The following NAV2 variants were observed in gnomAD, a reference collection of about 807,000 sequenced individuals.
NAV2 encodes the protein helicase, APC down-regulated 1.
In NAV2, 54 loss-of-function variants were observed where a neutral mutation model predicts 223.2. The observed-to-expected ratio is 0.24, with a 90% CI of 0.19 to 0.30. The LOEUF (loss-of-function observed/expected upper bound fraction) is 0.30, where lower values mean the gene tolerates loss of function less well. Ranked by LOEUF, NAV2 falls within the 10% of genes least tolerant of loss-of-function variation. NAV2 has a pLI of 1.00. For synonymous variants in NAV2, 1,279 were observed against 1,239.3 expected, an observed-to-expected ratio of 1.03 and a Z score of -0.67; for missense variants, 2,806 against 3,147.5, an observed-to-expected ratio of 0.89 and a Z score of 2.60.
chr11:19,855,896 G>C (rs1304003839), intron 3 of NAV2, among the ~76,000 whole-genome samples: 1 of 152,160 alleles, frequency 6.6e-6, no homozygotes, highest in Non-Finnish European at 1.5e-5. Flanking sequence ...GATTTGATTT[G>C]AGTTTCAGAA....
At chr11:19,913,447 A>T (rs1468935522) in intron 6 of NAV2, among the ~76,000 whole-genome samples, 1 of 152,138 alleles carries the variant, frequency 6.6e-6, no homozygotes, top group Admixed American at 6.5e-5. Context: ...TCTTCCTGTC[A>T]GCTGGGTTTC....
At chr11:19,949,323 C>T (rs920021264) in intron 10 of NAV2, among the ~76,000 whole-genome samples, 8 of 152,272 alleles carry the variant, frequency 5.3e-5, no homozygotes, top group African/African-American at 7.2e-5. Flanking sequence ...CAAACCATGT[C>T]GCATCAGTCC....
chr11:20,101,645 C>T (rs1372278680), intron 32 of NAV2, among the ~76,000 whole-genome samples: 1 of 152,140 alleles, frequency 6.6e-6, no homozygotes, highest in African/African-American at 2.4e-5. Flanking sequence ...GAAACAGAGG[C>T]TTGAAGCAGA....
Position 20,054,157 on chromosome 11 carries a change from A to T in NAV2, c.4559A>T (p.Gln1520Leu). 6.2e-7 allele frequency: 1 copy of T among 1,613,792 alleles called. No homozygotes were observed. Among genetic ancestry groups the T allele is most frequent in the African/African-American group, 1.3e-5 (1 of 75,014 alleles). ...WLRSHSAGGL[Q>L]DTAANSPFSS... Reference sequence around the variant, plus strand: ...CGGTCCCATTCTGCAGGAGGCCTTCAGGACACCGCTGCCAATTCCCCCTTT... The same window carrying T: ...CGGTCCCATTCTGCAGGAGGCCTTCTGGACACCGCTGCCAATTCCCCCTTT... The change falls in exon 18 of 38, where the codon CAG becomes CTG. Residue 1520 changes from glutamine to leucine, a missense_variant. Coordinates refer to ENST00000349880, the MANE Select transcript of NAV2 (RefSeq NM_145117.5).
At chr11:19,408,886 C>T (rs1850020994) in intron 1 of NAV2, among the ~76,000 whole-genome samples, 1 of 151,814 alleles carries the variant, frequency 6.6e-6, no homozygotes, top group African/African-American at 2.4e-5. Context: ...TCGGGAGTCC[C>T]ACTGGGGTTT....
intron 1 of NAV2, among the ~76,000 whole-genome samples, chr11:19,463,683 A>G (rs974540494): frequency 6.6e-6 from 1 of 152,228 alleles, no homozygotes; most frequent in Non-Finnish European, 1.5e-5. Flanking sequence ...TGAGTCTGGA[A>G]GGACAAATAG....
chr11:19,802,733 A>C (rs2058343181), intron 1 of NAV2, among the ~76,000 whole-genome samples: 1 of 150,404 alleles, frequency 6.6e-6, no homozygotes, highest in Admixed American at 6.6e-5. Flanking sequence ...AAAAAAAATT[A>C]CACCAATGTT....
intron 1 of NAV2, among the ~76,000 whole-genome samples, chr11:19,767,534 C>T (rs1325282926): frequency 6.6e-6 from 1 of 152,162 alleles, no homozygotes; most frequent in Non-Finnish European, 1.5e-5. Context: ...ATGCTCTAGC[C>T]ATGTATAACT....
chr11:19,703,316 A>T (rs1054669392), intron 1 of NAV2, among the ~76,000 whole-genome samples: 4 of 152,214 alleles, frequency 2.6e-5, no homozygotes, highest in African/African-American at 9.6e-5. Context: ...GAGGTCAGAC[A>T]TTGACCAGCA....
rs146239592 is a variant in NAV2 at position 19,474,586 on chromosome 11, A to G, written c.75+123559A>G. On this transcript the variant is annotated intron_variant, in intron 1 of 37. Transcript: ENST00000360655. ...GCATGTGAGGCTTTTAAGTGTAGCAATGGAGTGAAGGAGTGGATGAGGGTG... is the reference window on the plus strand; with the variant it reads ...GCATGTGAGGCTTTTAAGTGTAGCAGTGGAGTGAAGGAGTGGATGAGGGTG... 6.9e-4 allele frequency among the ~76,000 whole-genome samples: 105 copies of G among 152,350 alleles called. No homozygotes were observed. The East Asian group carries it at 0.017, about 25-fold the overall frequency.
chr11:19,718,281 T>A (rs559032828), intron 1 of NAV2, among the ~76,000 whole-genome samples: 1 of 152,214 alleles, frequency 6.6e-6, no homozygotes, highest in Non-Finnish European at 1.5e-5. Context: ...ATAAGTAACA[T>A]GCCTGAGCTA....
At chr11:19,495,515 A>C (rs754379904) in intron 1 of NAV2, among the ~76,000 whole-genome samples, 1 of 152,018 alleles carries the variant, frequency 6.6e-6, no homozygotes, top group Non-Finnish European at 1.5e-5. Flanking sequence ...ATTGCCTAAC[A>C]CCTCTAGGTT....
intron 1 of NAV2, among the ~76,000 whole-genome samples, chr11:19,546,222 C>A (rs570641329): frequency 5.3e-5 from 8 of 152,316 alleles, no homozygotes; most frequent in African/African-American, 1.9e-4. Context: ...GGGTCTCGAG[C>A]AAGGCCTGAT....
At chr11:19,999,738 G>A (rs1045052040) in intron 11 of NAV2, among the ~76,000 whole-genome samples, 1 of 152,188 alleles carries the variant, frequency 6.6e-6, no homozygotes, top group Non-Finnish European at 1.5e-5. Flanking sequence ...GCTACGTAGA[G>A]GTCAGTTAAC....
intron 1 of NAV2, among the ~76,000 whole-genome samples, chr11:19,554,826 C>T (rs980118009): frequency 2.6e-5 from 4 of 151,722 alleles, no homozygotes; most frequent in East Asian, 1.9e-4. Flanking sequence ...ATTAGCCAGG[C>T]GTGGTGGCTA....
At chr11:19,565,035 TGAGGCAGGAGAATCTCTTGAACCCAA>T (rs1474070521) in intron 1 of NAV2, among the ~76,000 whole-genome samples, 1 of 152,110 alleles carries the variant, frequency 6.6e-6, no homozygotes, top group Non-Finnish European at 1.5e-5. Context: ...CTCGGGAGGC[TGAGGCAGGAGAATCTCTTGAACCCAA>T]GAGGCAGATG....
intron 1 of NAV2, among the ~76,000 whole-genome samples, chr11:19,728,102 G>A (rs953346283): frequency 6.6e-5 from 10 of 152,196 alleles, no homozygotes; most frequent in Non-Finnish European, 1.2e-4. Flanking sequence ...CTGTGTGTGT[G>A]CATGCATGTG....
At chr11:19,711,441 T>A (rs941166587), upstream of NAV2, 5 of 152,186 alleles carry the variant, frequency 3.3e-5, no homozygotes, top group Admixed American at 3.3e-4. Context: ...TAAGAAAGCA[T>A]CTCTCTCCTG....
At chr11:20,005,262 T>A (rs538314350) in intron 11 of NAV2, among the ~76,000 whole-genome samples, 78,718 of 146,426 alleles carry the variant, frequency 0.54, 24,971 homozygotes, top group South Asian at 0.7. Context: ...TATTTTTTTT[T>A]TTTTTTGAGA....
Sources: allele counts gnomAD v4.1 joint callset (sites outside exome capture counted in the v4.1 genomes callset), GRCh38; gene constraint gnomAD v4.1.1; transcripts MANE v1.5; gene names NCBI Gene and HGNC (gene_info 2026-07-23, HGNC 2026-07-21).